Variants in BTBD9 observed in about 807,000 individuals in gnomAD.
The protein encoded by BTBD9 is BTB/POZ domain-containing protein 9.
BTBD9 carries 49 observed loss-of-function variants against 64.3 expected under a neutral mutation model. The observed-to-expected ratio is 0.76, with a 90% CI of 0.61 to 0.97. The LOEUF (loss-of-function observed/expected upper bound fraction) is 0.97, where lower values mean the gene tolerates loss of function less well. BTBD9 is among the 50% of genes least tolerant of loss of function. The pLI is 0.00. For synonymous variants in BTBD9, 260 were observed against 274.7 expected (o/e 0.95, Z 0.53); for missense variants, 598 against 762.1 (o/e 0.78, Z 2.53).
intron 6 of BTBD9, among the ~76,000 whole-genome samples, chr6:38,520,386 G>T (rs143033802): frequency 6.6e-6 from 1 of 151,354 alleles, no homozygotes; most frequent in Non-Finnish European, 1.5e-5. Flanking sequence ...ACTTGAACCC[G>T]AGAGGCAGAG....
chr6:38,328,919 C>G (rs1217969785), intron 7 of BTBD9, among the ~76,000 whole-genome samples: 2 of 145,558 alleles, frequency 1.4e-5, no homozygotes, highest in Admixed American at 1.4e-4. Flanking sequence ...TGAACTCCAG[C>G]CTGGGTGACA....
chr6:38,317,728 C>T lies in BTBD9; in HGVS notation c.1264+27256G>A, dbSNP rs576922198. On this transcript the variant is annotated intron_variant, in intron 7 of 10. Coordinates refer to ENST00000481247, the MANE Select transcript of BTBD9 (RefSeq NM_001099272.2). ...TCTCTGACTGTGTAATTTCAAACAG[C>T]CTGTCTTCAAGCTCAGGCTTTTCTT... Among the ~76,000 whole-genome samples the T allele has an allele frequency of 2.4e-4, 37 of 152,226 alleles. No homozygotes were observed. In the Middle Eastern group the frequency reaches 0.01, roughly 42 times the overall value.
intron 1 of BTBD9, among the ~76,000 whole-genome samples, chr6:38,624,613 A>C (rs556822236): frequency 3.9e-5 from 6 of 152,260 alleles, no homozygotes; most frequent in African/African-American, 1.4e-4. Context: ...AAAAATAAAA[A>C]CAAAAATAGA....
At chr6:38,515,460 C>T (rs1281881945) in intron 6 of BTBD9, among the ~76,000 whole-genome samples, 1 of 152,154 alleles carries the variant, frequency 6.6e-6, no homozygotes, top group Non-Finnish European at 1.5e-5. Flanking sequence ...ACTTTAAAAG[C>T]CAGTAAACTA....
intron 6 of BTBD9, among the ~76,000 whole-genome samples, chr6:38,485,074 G>T (rs1771335086): frequency 6.6e-6 from 1 of 152,184 alleles, no homozygotes; most frequent in Non-Finnish European, 1.5e-5. Context: ...CTAAGTTTGT[G>T]TGACAGCCTA....
intron 6 of BTBD9, among the ~76,000 whole-genome samples, chr6:38,477,990 C>T (rs561415598): frequency 3.3e-5 from 5 of 152,262 alleles, no homozygotes; most frequent in Admixed American, 3.3e-4. Flanking sequence ...CCTCTCTGGG[C>T]TTCAATTTCT....
chr6:38,347,430 T>G (rs1380984193), intron 6 of BTBD9, among the ~76,000 whole-genome samples: 1 of 152,214 alleles, frequency 6.6e-6, no homozygotes, highest in Non-Finnish European at 1.5e-5. Context: ...GCCTGTTATA[T>G]GTAATGCTCA....
intron 6 of BTBD9, among the ~76,000 whole-genome samples, chr6:38,352,332 A>G (rs1169820586): frequency 1.3e-5 from 2 of 151,978 alleles, no homozygotes; most frequent in East Asian, 3.9e-4. Flanking sequence ...AGCCATGATC[A>G]TACTACTGCA....
intron 7 of BTBD9, among the ~76,000 whole-genome samples, chr6:38,333,056 T>A (rs535939961): frequency 6.6e-6 from 1 of 152,264 alleles, no homozygotes; most frequent in African/African-American, 2.4e-5. Flanking sequence ...AGGTCAGGGG[T>A]GGATGGTTCT....
intron 7 of BTBD9, among the ~76,000 whole-genome samples, chr6:38,317,275 T>C (rs1352793788): frequency 6.6e-6 from 1 of 152,216 alleles, no homozygotes; most frequent in Admixed American, 6.5e-5. Flanking sequence ...ATTACAGGCA[T>C]GAGCCACCGT....
intron 6 of BTBD9, among the ~76,000 whole-genome samples, chr6:38,398,988 G>T (rs922348991): frequency 6.6e-6 from 1 of 152,078 alleles, no homozygotes; most frequent in Admixed American, 6.5e-5. Flanking sequence ...GTAGGAAAAG[G>T]TTTGTTTTTA....
intron 6 of BTBD9, among the ~76,000 whole-genome samples, chr6:38,440,958 C>T (rs756345159): frequency 6.6e-6 from 1 of 152,124 alleles, no homozygotes; most frequent in African/African-American, 2.4e-5. Context: ...TTATACTTTT[C>T]CTGTAGGAAA....
chr6:38,437,461 T>C (rs1446329136), intron 6 of BTBD9, among the ~76,000 whole-genome samples: 1 of 152,238 alleles, frequency 6.6e-6, no homozygotes, highest in Non-Finnish European at 1.5e-5. Flanking sequence ...CCATTACTAT[T>C]AATTTTTACT....
chr6:38,556,916 G>C (rs368882364), intron 6 of BTBD9, among the ~76,000 whole-genome samples: 2 of 148,546 alleles, frequency 1.3e-5, no homozygotes, highest in Non-Finnish European at 3.0e-5. Flanking sequence ...GGGAGGCTGA[G>C]GCAAGAGAAT....
chr6:38,541,667 G>A (rs974080397), intron 6 of BTBD9, among the ~76,000 whole-genome samples: 1 of 152,210 alleles, frequency 6.6e-6, no homozygotes, highest in Non-Finnish European at 1.5e-5. Flanking sequence ...GAACCCAGGA[G>A]ATGGAGGTTG....
At chr6:38,400,544 G>A (rs901458398) in intron 6 of BTBD9, among the ~76,000 whole-genome samples, 3 of 151,872 alleles carry the variant, frequency 2.0e-5, no homozygotes, top group Admixed American at 6.6e-5. Context: ...TCTTTCCTCC[G>A]CCTTTTGTAA....
intron 7 of BTBD9, among the ~76,000 whole-genome samples, chr6:38,308,672 C>T (rs1562004543): frequency 1.3e-5 from 2 of 152,082 alleles, no homozygotes; most frequent in African/African-American, 2.4e-5. Context: ...GGCATGATCA[C>T]GGCTCACTGC....
chr6:38,455,786 G>A (rs1769770965), intron 6 of BTBD9, among the ~76,000 whole-genome samples: 4 of 152,034 alleles, frequency 2.6e-5, no homozygotes, highest in Non-Finnish European at 5.9e-5. Context: ...TCGGCTCACC[G>A]CAACCTCCAC....
chr6:38,508,008 T>A (rs887177342), intron 6 of BTBD9, among the ~76,000 whole-genome samples: 4 of 152,000 alleles, frequency 2.6e-5, no homozygotes, highest in African/African-American at 9.7e-5. Flanking sequence ...TAATTTTTTG[T>A]ATTTTTAGTA....
Sources: allele counts gnomAD v4.1 joint callset (sites outside exome capture counted in the v4.1 genomes callset), GRCh38; gene constraint gnomAD v4.1.1; transcripts MANE v1.5; gene names NCBI Gene and HGNC (gene_info 2026-07-23, HGNC 2026-07-21).